Variants in DNAAF9 observed in about 807,000 individuals in gnomAD.
DNAAF9 encodes dynein axonemal assembly factor 9, also known as shulin.
In DNAAF9, 90 loss-of-function variants were observed where a neutral mutation model predicts 167.0. The observed-to-expected ratio is 0.54, with a 90% CI of 0.45 to 0.64. DNAAF9 has a LOEUF of 0.64. Ranked by LOEUF, DNAAF9 falls within the 30% of genes least tolerant of loss-of-function variation. The pLI is 0.00. For missense variants in DNAAF9, 1,315 were observed against 1,442.2 expected (o/e 0.91, Z 1.43); for synonymous variants, 491 against 508.8 (o/e 0.96, Z 0.47).
At chr20:3,332,254 T>A in intron 11 of DNAAF9, 26 bp downstream of exon 11, 1 of 1,121,430 alleles carries the variant, frequency 8.9e-7, no homozygotes, top group Non-Finnish European at 1.4e-6. Flanking sequence ...GATAAGCTGA[T>A]GAGATGACAA....
chr20:3,301,825 T>C (rs1004134919), intron 21 of DNAAF9, among the ~76,000 whole-genome samples: 1 of 152,178 alleles, frequency 6.6e-6, no homozygotes, highest in African/African-American at 2.4e-5. Flanking sequence ...TGTTTTCATG[T>C]TAATAAAGAT....
At chr20:3,355,091 A>G (rs1405301342) in intron 7 of DNAAF9, among the ~76,000 whole-genome samples, 2 of 152,218 alleles carry the variant, frequency 1.3e-5, no homozygotes, top group African/African-American at 2.4e-5. Context: ...GACTGCATGC[A>G]GATACTACTA....
Position 3,318,415 on chromosome 20 carries a change from AAACCAGT to A in DNAAF9, c.1357-22_1357-16del, listed in dbSNP as rs1156352735. On this transcript the variant is annotated splice_polypyrimidine_tract_variant and intron_variant, in intron 16 of 36. Coordinates refer to ENST00000252032, the MANE Select transcript of DNAAF9 (RefSeq NM_001009984.3). ...GCCATACAAGCCTGCATTGAATGAGAAACCAGTTAGATCAGTTACCAGCCCAAAACTT... is the reference window on the plus strand; with the variant it reads ...GCCATACAAGCCTGCATTGAATGAGATAGATCAGTTACCAGCCCAAAACTT... 2 of 1,327,546 alleles carry A rather than the reference AAACCAGT, an allele frequency of 1.5e-6. No homozygotes were observed. The highest frequency in any genetic ancestry group is 2.2e-6 in the Non-Finnish European group (2 of 921,056). The allele number at this position is 1,327,546 out of a possible 1,614,324, so 82.2% of individuals were successfully genotyped here. A position where few individuals can be genotyped will look rare whatever the true frequency, so the allele number is the denominator to read the frequency against.
chr20:3,293,797 A>G (rs189774878), intron 25 of DNAAF9, among the ~76,000 whole-genome samples: 1 of 152,248 alleles, frequency 6.6e-6, no homozygotes, highest in African/African-American at 2.4e-5. Context: ...CAATGTGTCA[A>G]CCACTGCCAG....
At chr20:3,330,998 G>A (rs1462751473) in intron 11 of DNAAF9, among the ~76,000 whole-genome samples, 1 of 151,190 alleles carries the variant, frequency 6.6e-6, no homozygotes, top group Non-Finnish European at 1.5e-5. Context: ...TGCCATGTTG[G>A]CCAGGCTGGT....
In DNAAF9 at chr20:3,256,062, C is replaced by T. The variant is rs753621233; in HGVS notation, c.3205G>A (p.Gly1069Ser). The part of the protein sequence containing the change: ...GQQECYLVFI[G>S]CSLKEDSIKD... ...ATGCTGTCTTCCTTCAGGGAGCAGC[C>T]GATGAACACAAGGTAGCACTCCTGC... The change falls in exon 34 of 37, where the codon GGC (glycine) becomes AGC (serine). Residue 1069 changes from glycine to serine, a missense_variant. This residue lies in a region of DNAAF9 where 334 missense variants were observed against 429.7 expected (regional missense o/e 0.78). Transcript: ENST00000252032. 3.1e-6 allele frequency: 5 copies of T among 1,613,986 alleles called. No homozygotes were observed. The highest frequency in any genetic ancestry group is 1.7e-5 in the Admixed American group (1 of 60,016).
At position 3,394,970 on chromosome 20, in the gene DNAAF9, T is replaced by C. The variant is rs2083883237; in HGVS notation, c.84-12464A>G. ...TTTTCTTTTTTTTTTTTTTTTTTTT[T>C]TTTTTTTTTTTTTTTGAGACGGAGT... On this transcript the variant is annotated intron_variant, in intron 1 of 36. Transcript: ENST00000252032. 6.2e-5 allele frequency among the ~76,000 whole-genome samples: 2 copies of C among 32,476 alleles called. 1 individual carries two copies. The highest frequency in any genetic ancestry group is 2.5e-4 in the African/African-American group (2 of 7,936). 21.3% of individuals were successfully genotyped at this position (32,476 alleles called of 152,430 possible).
rs149137354 is a variant in DNAAF9, at chr20:3,367,602, A to C, written c.612+6446T>G. Reference sequence around the variant, plus strand: ...CCTAATTTCAATATTGTTATGGTCAATGAATAGGGAAGTCAGGATAAAGCA... The same window carrying C: ...CCTAATTTCAATATTGTTATGGTCACTGAATAGGGAAGTCAGGATAAAGCA... On this transcript the variant is annotated intron_variant, in intron 6 of 36. Coordinates refer to ENST00000252032, the MANE Select transcript of DNAAF9 (RefSeq NM_001009984.3). Among the ~76,000 whole-genome samples the C allele has an allele frequency of 6.6e-3, 1,000 of 152,234 alleles. 9 individuals are homozygous for C. Among genetic ancestry groups the C allele is most frequent in the African/African-American group, 0.023 (958 of 41,538 alleles).
chr20:3,332,539 C>T (rs1238937983), intron 10 of DNAAF9, among the ~76,000 whole-genome samples, 178 bp from the exon 11 acceptor site: 1 of 151,826 alleles, frequency 6.6e-6, no homozygotes, highest in Non-Finnish European at 1.5e-5. Context: ...TTGCAACCTC[C>T]ACCTCCTGGG....
At chr20:3,391,905 T>C (rs184531985) in intron 1 of DNAAF9, among the ~76,000 whole-genome samples, 1 of 152,158 alleles carries the variant, frequency 6.6e-6, no homozygotes. Flanking sequence ...ATAAAAATAT[T>C]CAAAGGGCGG....
In DNAAF9 at chr20:3,252,678, T is replaced by C; in HGVS notation, c.3428A>G (p.Asp1143Gly). 6.4e-7 allele frequency: 1 copy of C among 1,573,526 alleles called. No homozygotes were observed. Among genetic ancestry groups the C allele is most frequent in the Non-Finnish European group, 8.7e-7 (1 of 1,142,952 alleles). Reference protein sequence around the residue: ...GDKTDFHPLMDQFMNDYVEEA... With the variant: ...GDKTDFHPLMGQFMNDYVEEA... ...TTCCACGTAGTCATTCATGAACTGG[T>C]CCATGACTGGTATCTCATTAAGGAA... Residue 1143 changes from aspartate (D) to glycine (G), a missense_variant, in exon 37 of 37, where the codon GAC becomes GGC. Asp to Gly is a moderately conservative substitution (Grantham distance 94). This residue lies in a region of DNAAF9 where 334 missense variants were observed against 429.7 expected (regional missense o/e 0.78). Coordinates refer to ENST00000252032, the MANE Select transcript of DNAAF9 (RefSeq NM_001009984.3).
intron 30 of DNAAF9, 47 bp from the exon 31 acceptor site, chr20:3,264,571 CTCT>C (rs1568565254): frequency 1.0e-6 from 1 of 955,764 alleles, no homozygotes; most frequent in Admixed American, 1.9e-5. Context: ...GACTGTCAAT[CTCT>C]TTTTTTTTTT....
At chr20:3,396,557 T>C (rs2083910277) in intron 1 of DNAAF9, among the ~76,000 whole-genome samples, 1 of 152,042 alleles carries the variant, frequency 6.6e-6, no homozygotes, top group Non-Finnish European at 1.5e-5. Context: ...TGGTGGTAAG[T>C]GGGAGGTTGT....
intron 8 of DNAAF9, among the ~76,000 whole-genome samples, chr20:3,346,450 CA>C (rs1485061026): frequency 6.6e-6 from 1 of 151,580 alleles, no homozygotes; most frequent in East Asian, 1.9e-4. Flanking sequence ...GACAAATCCA[CA>C]AAATGGAGTA....
At chr20:3,312,158 T>C (rs1044268639) in intron 20 of DNAAF9, among the ~76,000 whole-genome samples, 6 of 152,180 alleles carry the variant, frequency 3.9e-5, no homozygotes, top group East Asian at 1.9e-4. Flanking sequence ...CTGGCTAATT[T>C]TGTAGTGTTA....
chr20:3,316,614 GT>G (rs1431092566), intron 18 of DNAAF9, 108 bp downstream of exon 18: 17 of 705,684 alleles, frequency 2.4e-5, no homozygotes, highest in Non-Finnish European at 4.4e-5. Context: ...ACAACAGCTA[GT>G]TCAGGACCTG....
chr20:3,297,401 G>T (rs1238620373), intron 22 of DNAAF9, among the ~76,000 whole-genome samples: 1 of 152,200 alleles, frequency 6.6e-6, no homozygotes, highest in Non-Finnish European at 1.5e-5. Flanking sequence ...GGGCTGAGAA[G>T]CTATACTATA....
At chr20:3,341,499 C>T (rs1157611553) in intron 9 of DNAAF9, among the ~76,000 whole-genome samples, 2 of 152,208 alleles carry the variant, frequency 1.3e-5, no homozygotes, top group Non-Finnish European at 2.9e-5. Context: ...CCTATGTCTG[C>T]TCCCCTTCCA....
intron 21 of DNAAF9, among the ~76,000 whole-genome samples, chr20:3,301,900 T>C (rs2069195966): frequency 6.6e-6 from 1 of 152,042 alleles, no homozygotes; most frequent in African/African-American, 2.4e-5. Context: ...TTTTTCCCAA[T>C]TTTAAAAATT....
Sources: allele counts gnomAD v4.1 joint callset (sites outside exome capture counted in the v4.1 genomes callset), GRCh38; gene constraint gnomAD v4.1.1; regional missense constraint gnomAD v4.1.1; transcripts MANE v1.5; gene names NCBI Gene and HGNC (gene_info 2026-07-23, HGNC 2026-07-21).